The following SORBS2 variants were observed in gnomAD, a reference collection of about 807,000 sequenced individuals.
SORBS2 encodes the protein sorbin and SH3 domain containing 2.
SORBS2 carries 46 observed loss-of-function variants against 97.7 expected under a neutral mutation model. The observed-to-expected ratio is 0.47, with a 90% CI of 0.37 to 0.60. SORBS2 has a LOEUF of 0.60. Ranked by LOEUF, SORBS2 falls within the 20% of genes least tolerant of loss-of-function variation. The pLI, the probability that SORBS2 is intolerant of heterozygous loss-of-function variation, is 0.00. For missense variants in SORBS2, 1,316 were observed against 1,282.3 expected (o/e 1.03, Z -0.40); for synonymous variants, 476 against 473.4 (o/e 1.01, Z -0.07).
intron 1 of SORBS2, among the ~76,000 whole-genome samples, chr4:185,778,548 AT>A (rs2099011562): frequency 6.6e-6 from 1 of 152,132 alleles, no homozygotes; most frequent in African/African-American, 2.4e-5. Flanking sequence ...GAGAGAAATG[AT>A]ATGAAGTAGT....
At chr4:185,905,419 A>G (rs1209333332) in intron 1 of SORBS2, among the ~76,000 whole-genome samples, 2 of 152,224 alleles carry the variant, frequency 1.3e-5, no homozygotes, top group Non-Finnish European at 2.9e-5. Context: ...TATTATTTTT[A>G]TACAGAGGTC....
intron 1 of SORBS2, among the ~76,000 whole-genome samples, chr4:185,877,559 T>A (rs1483337667): frequency 1.3e-5 from 2 of 152,136 alleles, no homozygotes; most frequent in African/African-American, 4.8e-5. Context: ...AATTCTGTGA[T>A]AATTGCTCAT....
chr4:185,732,729 G>A (rs533124394), intron 2 of SORBS2, among the ~76,000 whole-genome samples: 1 of 152,308 alleles, frequency 6.6e-6, no homozygotes, highest in African/African-American at 2.4e-5. Flanking sequence ...GGCAAGTGGT[G>A]TTCCCCAAAA....
At chr4:185,841,899 C>G (rs897893912) in intron 1 of SORBS2, among the ~76,000 whole-genome samples, 2 of 152,126 alleles carry the variant, frequency 1.3e-5, no homozygotes, top group African/African-American at 4.8e-5. Context: ...AACTGATACC[C>G]AGGTTTCTGG....
chr4:185,706,083 T>C (rs2098337885), intron 2 of SORBS2, among the ~76,000 whole-genome samples: 1 of 152,220 alleles, frequency 6.6e-6, no homozygotes. Flanking sequence ...TTTTAAGAAG[T>C]TATTTAGGTT....
rs556483361 is a variant in SORBS2, at chr4:185,651,344, A to C, written c.91+1318T>G. The stretch of plus-strand genomic sequence containing the variant: ...CAAGGGGGATTTTTAAACTCTTTCA[A>C]TGAATGGTTGCATTTTGGAGCAAAA... On this transcript the variant is annotated intron_variant, in intron 2 of 14. Transcript: ENST00000418609. 5.3e-5 allele frequency among the ~76,000 whole-genome samples: 8 copies of C among 152,354 alleles called. No individual in the cohort carries two copies. The South Asian group carries it at 1.7e-3, about 32-fold the overall frequency.
chr4:185,832,425 C>T (rs1028925011), intron 1 of SORBS2, among the ~76,000 whole-genome samples: 5 of 152,264 alleles, frequency 3.3e-5, no homozygotes, highest in African/African-American at 1.2e-4. Context: ...TTACTTCTAT[C>T]TATCTTGGCT....
intron 1 of SORBS2, among the ~76,000 whole-genome samples, chr4:185,799,860 A>G (rs1390528092): frequency 6.6e-6 from 1 of 152,148 alleles, no homozygotes; most frequent in African/African-American, 2.4e-5. Flanking sequence ...CTTCACTGCA[A>G]TCGGCTTTCT....
In SORBS2 at chr4:185,682,857, T is replaced by A. The variant is rs555191411; in HGVS notation, c.-197-4035A>T. Among the ~76,000 whole-genome samples, 12 of 151,086 alleles carry A rather than the reference T, an allele frequency of 7.9e-5. No homozygotes were observed. In the East Asian group the frequency reaches 2.2e-3, roughly 27 times the overall value. On this transcript the variant is annotated intron_variant, in intron 2 of 20. Transcript: ENST00000284776. ...GAAACCAGGTCTCTACTAAAAAAAA[T>A]ACAAAAATTAGCCAGGCATGGTGGC... is the stretch of plus-strand genomic sequence containing the variant.
intron 1 of SORBS2, among the ~76,000 whole-genome samples, chr4:185,907,828 CT>C (rs776149524): frequency 6.6e-6 from 1 of 152,074 alleles, no homozygotes; most frequent in Non-Finnish European, 1.5e-5. Context: ...CAATCTTCTC[CT>C]TGTACAAATG....
At chr4:185,924,766 A>G (rs991671899) in intron 1 of SORBS2, among the ~76,000 whole-genome samples, 4 of 152,210 alleles carry the variant, frequency 2.6e-5, no homozygotes, top group Non-Finnish European at 5.9e-5. Flanking sequence ...TTGCTGCCGC[A>G]CAGCGAGTTT....
At chr4:185,636,573 C>T (rs77848425) in intron 4 of SORBS2, among the ~76,000 whole-genome samples, 10,246 of 151,988 alleles carry the variant, frequency 0.067, 458 homozygotes, top group Non-Finnish European at 0.097. Flanking sequence ...GTGTAACTGA[C>T]ACACATCAAA....
At chr4:185,656,856 A>C (rs1290767262) in exon 1 of SORBS2, 1 of 1,327,324 alleles carries the variant, frequency 7.5e-7, no homozygotes, top group Non-Finnish European at 9.6e-7. Flanking sequence ...GAGAGCTCTC[A>C]GCAGGCACGG....
intron 4 of SORBS2, 67 bp from the exon 16 acceptor site, chr4:185,635,478 G>A: frequency 8.6e-7 from 1 of 1,165,122 alleles, no homozygotes; most frequent in South Asian, 1.3e-5. Context: ...ATGGCAGCAA[G>A]GAATGAACAT....
chr4:185,899,233 A>G (rs2099246407), intron 1 of SORBS2, among the ~76,000 whole-genome samples: 1 of 152,102 alleles, frequency 6.6e-6, no homozygotes, highest in South Asian at 2.1e-4. Flanking sequence ...AGCATTTGGG[A>G]CACACAGCGG....
intron 4 of SORBS2, among the ~76,000 whole-genome samples, chr4:185,672,810 A>G (rs1437389526): frequency 6.6e-6 from 1 of 152,222 alleles, no homozygotes; most frequent in Non-Finnish European, 1.5e-5. Context: ...GCTGACTCAC[A>G]GGGTATAGCT....
At chr4:185,893,562 G>A (rs1009184573) in intron 1 of SORBS2, among the ~76,000 whole-genome samples, 2 of 152,190 alleles carry the variant, frequency 1.3e-5, no homozygotes, top group African/African-American at 4.8e-5. Flanking sequence ...GATAATTTGA[G>A]TCCATAAAAC....
At chr4:185,651,218 T>C (rs977434244) in intron 2 of SORBS2, among the ~76,000 whole-genome samples, 1 of 152,184 alleles carries the variant, frequency 6.6e-6, no homozygotes, top group African/African-American at 2.4e-5. Flanking sequence ...TGCAGACCCC[T>C]GCACGAGATA....
At position 185,811,644 on chromosome 4, in the gene SORBS2, A is replaced by G. The variant is rs960849931; in HGVS notation, c.-337-36278T>C. The G allele has an allele frequency of 6.6e-6, 1 of 152,232 alleles. No homozygotes were observed. The highest frequency in any genetic ancestry group is 1.5e-5 in the Non-Finnish European group (1 of 68,054). The allele number at this position is 152,232 out of a possible 1,614,324, so 9.4% of individuals were successfully genotyped here. A position where few individuals can be genotyped will look rare whatever the true frequency, so the allele number is the denominator to read the frequency against. On this transcript the variant is annotated intron_variant, in intron 1 of 20. Coordinates refer to the SORBS2 transcript ENST00000284776. ...CAGTTATTTTTATGCTGTGCTTTCA[A>G]AAAGGTCAAAAAAGCTTACCTCTGT...
Sources: gnomAD v4.1 joint callset for allele counts (sites outside exome capture counted in the v4.1 genomes callset) on GRCh38, gnomAD v4.1.1 for gene constraint, MANE v1.5 for transcripts, NCBI Gene and HGNC (gene_info 2026-07-23, HGNC 2026-07-21) for gene names.